SBK1: variants seen among roughly 807,000 people sequenced by gnomAD.
SBK1 encodes serine/threonine-protein kinase SBK1.
A neutral mutation model predicts 24.4 loss-of-function variants in SBK1; 11 were observed. That is an observed-to-expected ratio of 0.45 (90% CI 0.28 to 0.75). SBK1 has a LOEUF of 0.75. Ranked by LOEUF, SBK1 falls within the 30% of genes least tolerant of loss-of-function variation. The pLI is 0.12. For synonymous variants in SBK1, 308 were observed against 284.4 expected (o/e 1.08, Z -0.83); for missense variants, 467 against 620.5 (o/e 0.75, Z 2.63).
chr16:28,316,811 C>T (rs747705685), intron 1 of SBK1, among the ~76,000 whole-genome samples: 2 of 152,070 alleles, frequency 1.3e-5, no homozygotes, highest in African/African-American at 2.4e-5. Context: ...CCTGGGAGGT[C>T]GAGGCTGCAG....
intron 2 of SBK1, among the ~76,000 whole-genome samples, chr16:28,318,352 C>T (rs1035957944): frequency 6.6e-6 from 1 of 152,226 alleles, no homozygotes; most frequent in Non-Finnish European, 1.5e-5. Context: ...CATGGGGTCA[C>T]CTGAGCTTTG....
chr16:28,314,840 A>G (rs1000439136), intron 1 of SBK1, among the ~76,000 whole-genome samples: 13 of 152,166 alleles, frequency 8.5e-5, no homozygotes, highest in African/African-American at 3.1e-4. Flanking sequence ...TTAGCCAGAT[A>G]TGGTGGCGCA....
chr16:28,292,188 C>T (rs1238666890), upstream of SBK1: 3 of 150,104 alleles, frequency 2.0e-5, no homozygotes, highest in African/African-American at 7.4e-5. Flanking sequence ...AGGTGACCCT[C>T]TCAGACTCCC....
intron 1 of SBK1, among the ~76,000 whole-genome samples, chr16:28,296,807 A>AC (rs1378395291): frequency 6.6e-6 from 1 of 151,990 alleles, no homozygotes; most frequent in Admixed American, 6.6e-5. Flanking sequence ...GGGACAGCAA[A>AC]CCCGAGTCCT....
chr16:28,310,447 C>T (rs973536641), intron 1 of SBK1, among the ~76,000 whole-genome samples: 2 of 152,132 alleles, frequency 1.3e-5, no homozygotes, highest in East Asian at 1.9e-4. Flanking sequence ...AATCTGGGTG[C>T]GATGTTCCCA....
intron 1 of SBK1, among the ~76,000 whole-genome samples, chr16:28,261,073 G>C (rs538743747): frequency 1.8e-4 from 27 of 152,236 alleles, no homozygotes; most frequent in African/African-American, 6.3e-4. Context: ...TGGACGCTGA[G>C]CCGGGGACCT....
chr16:28,300,310 TTTTGTTTG>T (rs61561185), intron 1 of SBK1, among the ~76,000 whole-genome samples: 21 of 150,648 alleles, frequency 1.4e-4, no homozygotes, highest in East Asian at 9.8e-4. Flanking sequence ...TATCTCTCTT[TTTTGTTTG>T]TTTGTTTGTT....
At position 28,259,465 on chromosome 16, in the gene SBK1, G is replaced by A; in HGVS notation, c.220G>A (p.Glu74Lys). 1 of 986,186 alleles carries A rather than the reference G, an allele frequency of 1.0e-6. No homozygotes were observed. Among genetic ancestry groups the A allele is most frequent in the Non-Finnish European group, 1.2e-6 (1 of 830,540 alleles). 61.1% of individuals were successfully genotyped at this position (986,186 alleles called of 1,614,324 possible). A position where few individuals can be genotyped will look rare whatever the true frequency, so the allele number is the denominator to read the frequency against. ...CTGCTTCGTCTGCTTCCACAGGGAG[G>A]AGGAAGAGGAGCTGCTGGAAGAAGT... The change falls in exon 1 of 4, where the codon GAG becomes AAG. Residue 74 changes from glutamate (E) to lysine (K), a missense_variant. Coordinates refer to the SBK1 transcript ENST00000671413. The surrounding 1 kb of genome is among the most constrained non-coding windows in gnomAD (Gnocchi z 6.0).
At chr16:28,280,154 T>C (rs1487308409) in intron 1 of SBK1, among the ~76,000 whole-genome samples, 4 of 114,022 alleles carry the variant, frequency 3.5e-5, no homozygotes, top group African/African-American at 1.3e-4. Context: ...TATATATGTG[T>C]GTGTGTGTGT....
chr16:28,320,855 C>G lies in SBK1; in HGVS notation c.1209C>G (p.Thr403=), dbSNP rs1179302015. 2 of 1,485,970 alleles carry G rather than the reference C, an allele frequency of 1.3e-6. No homozygotes were observed. Among genetic ancestry groups the G allele is most frequent in the East Asian group, 6.0e-5 (2 of 33,558 alleles). The allele number at this position is 1,485,970 out of a possible 1,614,324, so 92.0% of individuals were successfully genotyped here. A position where few individuals can be genotyped will look rare whatever the true frequency, so the allele number is the denominator to read the frequency against. The change falls in exon 4 of 4, where the codon ACC becomes ACG. Residue 403 remains threonine (T), a synonymous_variant. Coordinates refer to ENST00000341901, the MANE Select transcript of SBK1 (RefSeq NM_001024401.3). This position sits in a 1 kb window ranked among gnomAD's most constrained non-coding sequence, Gnocchi z 8.5. ...GLAPQGPPGR[T]DGRADKSKGQ... ...CTCCCCAGGGGCCCCCCGGCCGGACCGACGGCCGCGCGGACAAGAGCAAAG... is the reference window on the plus strand; with the variant it reads ...CTCCCCAGGGGCCCCCCGGCCGGACGGACGGCCGCGCGGACAAGAGCAAAG...
intron 1 of SBK1, among the ~76,000 whole-genome samples, chr16:28,282,308 T>A (rs972894237): frequency 1.3e-5 from 2 of 152,042 alleles, no homozygotes; most frequent in Non-Finnish European, 2.9e-5. Context: ...GTGTCTGAGC[T>A]GCCGGGTGGG....
intron 1 of SBK1, among the ~76,000 whole-genome samples, chr16:28,267,866 G>A (rs373412625): frequency 3.5e-4 from 53 of 152,316 alleles, no homozygotes; most frequent in African/African-American, 1.2e-3. Context: ...ATGTCCTTGC[G>A]GCCAGGCGCA....
At chr16:28,290,203 G>C (rs1454322753), upstream of SBK1, 1 of 152,214 alleles carries the variant, frequency 6.6e-6, no homozygotes, top group Non-Finnish European at 1.5e-5. Flanking sequence ...AATGTTAAGG[G>C]CTTTGAATGC....
chr16:28,292,853 T>A lies in SBK1; in HGVS notation c.-455T>A. Reference sequence around the variant, plus strand: ...CCCTGCGGGGAAAGCGGAGACTTCCTCGGTATTTAGAAGACAGCAAGCCCC... The same window carrying A: ...CCCTGCGGGGAAAGCGGAGACTTCCACGGTATTTAGAAGACAGCAAGCCCC... On this transcript the variant is annotated 5_prime_UTR_variant, in exon 1 of 4. Transcript: ENST00000341901. The A allele has an allele frequency of 1.0e-6, 1 of 983,946 alleles. No individual in the cohort carries two copies. The highest frequency in any genetic ancestry group is 1.8e-5 in the African/African-American group (1 of 57,002). The allele number at this position is 983,946 out of a possible 1,614,324, so 61.0% of individuals were successfully genotyped here. A position where few individuals can be genotyped will look rare whatever the true frequency, so the allele number is the denominator to read the frequency against.
intron 2 of SBK1, among the ~76,000 whole-genome samples, chr16:28,318,106 A>G (rs2044810852): frequency 1.3e-5 from 2 of 152,290 alleles, no homozygotes; most frequent in South Asian, 4.1e-4. Flanking sequence ...ACCTAGGCCA[A>G]TTCAGCCACA....
chr16:28,302,463 G>T (rs955342629), intron 1 of SBK1, among the ~76,000 whole-genome samples: 3 of 152,212 alleles, frequency 2.0e-5, no homozygotes, highest in African/African-American at 7.2e-5. Flanking sequence ...TCTGGGCAGG[G>T]TGTGAAGGGG....
At chr16:28,312,177 G>C (rs1403335701) in intron 1 of SBK1, among the ~76,000 whole-genome samples, 1 of 152,230 alleles carries the variant, frequency 6.6e-6, no homozygotes, top group Non-Finnish European at 1.5e-5. Context: ...TTGCGGCAAA[G>C]AGGGCTGCGT....
intron 1 of SBK1, among the ~76,000 whole-genome samples, chr16:28,282,982 G>A (rs2044542918): frequency 6.6e-6 from 1 of 152,150 alleles, no homozygotes; most frequent in South Asian, 2.1e-4. Context: ...TGCCAGGCTG[G>A]AGTGCAGTGG....
At chr16:28,263,709 G>C (rs757861292) in intron 1 of SBK1, among the ~76,000 whole-genome samples, 1 of 152,170 alleles carries the variant, frequency 6.6e-6, no homozygotes, top group South Asian at 2.1e-4. Flanking sequence ...CATTTTAAAG[G>C]ATATTTCAGG....
Sources: gnomAD v4.1 joint callset for allele counts (sites outside exome capture counted in the v4.1 genomes callset) on GRCh38, gnomAD v4.1.1 for gene constraint, Gnocchi (gnomAD v3.1) non-coding constraint, MANE v1.5 for transcripts, NCBI Gene and HGNC (gene_info 2026-07-23, HGNC 2026-07-21) for gene names.